The following TRDN variants were observed in gnomAD, a reference collection of about 807,000 sequenced individuals.
TRDN encodes triadin.
Under a neutral mutation model 149.7 loss-of-function variants are expected in TRDN, and 161 were observed. The observed-to-expected ratio is 1.08, with a 90% CI of 0.95 to 1.23. TRDN has a LOEUF of 1.23. TRDN is among the 50% of genes most tolerant of loss of function. The pLI is 0.00. For missense variants in TRDN, 896 were observed against 823.5 expected (o/e 1.09, Z -1.08); for synonymous variants, 294 against 250.5 (o/e 1.17, Z -1.64).
At chr6:123,367,154 A>G (rs1781134885) in intron 19 of TRDN, among the ~76,000 whole-genome samples, 1 of 152,144 alleles carries the variant, frequency 6.6e-6, no homozygotes, top group Non-Finnish European at 1.5e-5. Flanking sequence ...ATTGGATCAC[A>G]AATCAAAGCT....
chr6:123,506,903 AG>A (rs1295370700), intron 7 of TRDN, among the ~76,000 whole-genome samples: 1 of 152,184 alleles, frequency 6.6e-6, no homozygotes, highest in Non-Finnish European at 1.5e-5. Flanking sequence ...AAATATAGAT[AG>A]TTTGATCTAT....
At chr6:123,506,606 A>C (rs1778935706) in intron 7 of TRDN, among the ~76,000 whole-genome samples, 1 of 151,994 alleles carries the variant, frequency 6.6e-6, no homozygotes. Context: ...CTCCTGCATC[A>C]GCCTCCCGAG....
intron 23 of TRDN, among the ~76,000 whole-genome samples, chr6:123,322,626 TTA>T (rs1491026998): frequency 9.6e-6 from 1 of 103,798 alleles, no homozygotes; most frequent in Non-Finnish European, 2.0e-5. Context: ...ATTATTATTA[TTA>T]TTATTATTAT....
At chr6:123,225,533 CAT>C (rs1480573000) in intron 38 of TRDN, among the ~76,000 whole-genome samples, 1 of 86,388 alleles carries the variant, frequency 1.2e-5, no homozygotes, top group Non-Finnish European at 3.4e-5. Context: ...CACACACACA[CAT>C]ACACACACAT....
chr6:123,388,461 A>G (rs1368674230), intron 14 of TRDN, 61 bp downstream of exon 14: 9 of 1,550,046 alleles, frequency 5.8e-6, no homozygotes, highest in Non-Finnish European at 7.9e-6. Flanking sequence ...TCAAAACCCA[A>G]CTCAGGATAT....
Position 123,221,493 on chromosome 6 carries a change from G to C in TRDN, c.2044C>G (p.Gln682Glu). Residue 682 changes from glutamine (Q) to glutamate (E), a missense_variant, in exon 40 of 41, where the codon CAG (glutamine) becomes GAG (glutamate). Coordinates refer to ENST00000334268, the MANE Select transcript of TRDN (RefSeq NM_006073.4). ...AATCTCATTATAAACTTACTTTTCT[G>C]CTTTGTGGGAGACACATCTTCAGTT... ...EGTEDVSPTKQKSPISFFQCV... is the reference protein window; with the variant it reads ...EGTEDVSPTKEKSPISFFQCV... The C allele has an allele frequency of 6.4e-7, 1 of 1,565,504 alleles. No homozygotes were observed. The highest frequency in any genetic ancestry group is 8.8e-7 in the Non-Finnish European group (1 of 1,142,514).
At chr6:123,434,224 T>C (rs1289902126) in intron 12 of TRDN, among the ~76,000 whole-genome samples, 1 of 152,216 alleles carries the variant, frequency 6.6e-6, no homozygotes, top group Non-Finnish European at 1.5e-5. Context: ...AGTATCATTT[T>C]TATAGATACT....
chr6:123,486,738 A>C (rs192128928), intron 9 of TRDN, among the ~76,000 whole-genome samples: 66 of 152,156 alleles, frequency 4.3e-4, no homozygotes, highest in African/African-American at 1.5e-3. Flanking sequence ...TAAGTTCTAC[A>C]TAAATTCTAC....
chr6:123,472,131 G>A (rs1441543133), intron 9 of TRDN, among the ~76,000 whole-genome samples: 2 of 152,208 alleles, frequency 1.3e-5, no homozygotes, highest in Admixed American at 6.5e-5. Context: ...CGTGAGCGAC[G>A]CAGAAGACGG....
At chr6:123,573,454 C>A (rs1782676991) in intron 1 of TRDN, among the ~76,000 whole-genome samples, 1 of 152,102 alleles carries the variant, frequency 6.6e-6, no homozygotes, top group African/African-American at 2.4e-5. Context: ...ACTACAACTA[C>A]AAATATCACT....
At chr6:123,278,214 A>G in intron 26 of TRDN, 104 bp downstream of exon 26, 1 of 813,626 alleles carries the variant, frequency 1.2e-6, no homozygotes, top group South Asian at 2.1e-5. Context: ...CAAGGATAAA[A>G]TTTGATAAAA....
Position 123,218,621 on chromosome 6 carries a change from G to C in TRDN, c.2170C>G (p.Gln724Glu). The C allele has an allele frequency of 6.2e-7, 1 of 1,611,712 alleles. No homozygotes were observed. Among genetic ancestry groups the C allele is most frequent in the African/African-American group, 1.3e-5 (1 of 74,864 alleles). The change falls in exon 41 of 41, where the codon CAG becomes GAG. Residue 724 changes from glutamine (Q) to glutamate (E), a missense_variant. Gln to Glu is a conservative substitution (Grantham distance 29). Transcript: ENST00000334268. ...TGTGTTTACTGTCCTTGTTGCTTCT[G>C]TCCTGGAGAATTTGCTTGACCAGAG... ...ESSGQANSPGQKQQGQ is the reference protein window; with the variant it reads ...ESSGQANSPGEKQQGQ
intron 12 of TRDN, chr6:123,418,543 A>G (rs912763666): frequency 1.3e-5 from 2 of 152,128 alleles, no homozygotes; most frequent in Non-Finnish European, 2.9e-5. Flanking sequence ...GTGATTTTCC[A>G]AAAGAACAAG....
At chr6:123,297,092 CT>C (rs1315454405) in intron 24 of TRDN, among the ~76,000 whole-genome samples, 1 of 151,944 alleles carries the variant, frequency 6.6e-6, no homozygotes, top group African/African-American at 2.4e-5. Flanking sequence ...GTTGATATGC[CT>C]TTTTCATCCT....
intron 14 of TRDN, among the ~76,000 whole-genome samples, chr6:123,384,730 A>G (rs1781844087): frequency 1.3e-5 from 2 of 152,212 alleles, no homozygotes; most frequent in South Asian, 2.1e-4. Flanking sequence ...AATGAAACTC[A>G]AAATGTCATG....
intron 20 of TRDN, among the ~76,000 whole-genome samples, chr6:123,365,020 T>C (rs1454685012): frequency 6.6e-6 from 1 of 152,198 alleles, no homozygotes; most frequent in Non-Finnish European, 1.5e-5. Flanking sequence ...CCATTTATAG[T>C]ACAAATGATG....
In TRDN at chr6:123,516,153, G is replaced by A. The variant is rs1363196509; in HGVS notation, c.538C>T (p.Pro180Ser). ...GKEKVREKEK[P>S]EKKATHKEKI... ...AGTAACTTCATACCTTTCTTTTCAG[G>A]TTTTTCTTTTTCTCTTACTTTTTCT... The change falls in exon 6 of 41, where the codon CCT becomes TCT. Residue 180 changes from proline (P) to serine (S), a missense_variant. By Grantham distance (74) the Pro-to-Ser change is moderately conservative. Transcript: ENST00000334268. 1 of 1,490,886 alleles carries A rather than the reference G, an allele frequency of 6.7e-7. No individual in the cohort carries two copies. The highest frequency in any genetic ancestry group is 9.0e-7 in the Non-Finnish European group (1 of 1,108,192). 92.4% of individuals were successfully genotyped at this position (1,490,886 alleles called of 1,614,324 possible). A position where few individuals can be genotyped will look rare whatever the true frequency, so the allele number is the denominator to read the frequency against.
chr6:123,473,605 T>C lies in TRDN; in HGVS notation c.854-8622A>G, dbSNP rs551885178. ...GGAAATACAGAGAAGGCCACAAAGA[T>C]ACTCCTCGAGAAGAGCAACTCCAAG... is the stretch of plus-strand genomic sequence containing the variant. On this transcript the variant is annotated intron_variant, in intron 9 of 40. Coordinates refer to ENST00000334268, the MANE Select transcript of TRDN (RefSeq NM_006073.4). Among the ~76,000 whole-genome samples, 356 of 151,736 alleles carry C rather than the reference T, an allele frequency of 2.3e-3. 3 individuals are homozygous for C. Among genetic ancestry groups the C allele is most frequent in the South Asian group, 8.1e-3 (39 of 4,790 alleles).
At chr6:123,583,348 G>C (rs917992048) in intron 1 of TRDN, among the ~76,000 whole-genome samples, 4 of 152,036 alleles carry the variant, frequency 2.6e-5, no homozygotes, top group Non-Finnish European at 5.9e-5. Context: ...AATGAGACTG[G>C]GGCCTAATAA....
Sources: allele counts gnomAD v4.1 joint callset (sites outside exome capture counted in the v4.1 genomes callset), GRCh38; gene constraint gnomAD v4.1.1; transcripts MANE v1.5; gene names NCBI Gene and HGNC (gene_info 2026-07-23, HGNC 2026-07-21).